Variants in SNAP91 observed in about 807,000 individuals in gnomAD.
SNAP91 encodes synaptosome associated protein 91.
A neutral mutation model predicts 100.3 loss-of-function variants in SNAP91; 27 were observed. That is an observed-to-expected ratio of 0.27 (90% CI 0.20 to 0.37). The LOEUF is 0.37. Ranked by LOEUF, SNAP91 falls within the 10% of genes least tolerant of loss-of-function variation. The pLI, the probability that SNAP91 is intolerant of heterozygous loss-of-function variation, is 1.00. For synonymous variants in SNAP91, 404 were observed against 398.6 expected (o/e 1.01, Z -0.16); for missense variants, 986 against 1,123.7 (o/e 0.88, Z 1.75).
At chr6:83,666,253 T>A (rs1000263895) in intron 2 of SNAP91, among the ~76,000 whole-genome samples, 2 of 152,066 alleles carry the variant, frequency 1.3e-5, no homozygotes, top group Non-Finnish European at 2.9e-5. Context: ...TTTAAAAAAA[T>A]TATCTACTGG....
intron 2 of SNAP91, among the ~76,000 whole-genome samples, chr6:83,674,405 G>C (rs1457935108): frequency 2.6e-5 from 4 of 152,120 alleles, no homozygotes; most frequent in East Asian, 3.9e-4. Context: ...CTGCACTCCA[G>C]CCCGGGCGAC....
chr6:83,558,238 G>T (rs778704550), intron 28 of SNAP91, among the ~76,000 whole-genome samples: 27 of 151,976 alleles, frequency 1.8e-4, no homozygotes, highest in Non-Finnish European at 3.2e-4. Context: ...CATAATAACA[G>T]AAATATTTCT....
intron 2 of SNAP91, among the ~76,000 whole-genome samples, chr6:83,666,853 C>T (rs1418600708): frequency 6.6e-6 from 1 of 151,980 alleles, no homozygotes; most frequent in Non-Finnish European, 1.5e-5. Context: ...AAATGCAGTC[C>T]CATGTGGCCT....
intron 7 of SNAP91, 132 bp from the exon 8 acceptor site, chr6:83,641,334 A>C: frequency 4.0e-6 from 2 of 497,498 alleles, no homozygotes; most frequent in Non-Finnish European, 7.0e-6. Flanking sequence ...AACTTATATG[A>C]GGTATTAAGG....
At chr6:83,666,645 G>A (rs899919099) in intron 2 of SNAP91, among the ~76,000 whole-genome samples, 1 of 152,036 alleles carries the variant, frequency 6.6e-6, no homozygotes, top group Non-Finnish European at 1.5e-5. Context: ...TTCTACCACT[G>A]AAAAATATCT....
chr6:83,677,806 T>A (rs1163988210), intron 2 of SNAP91, among the ~76,000 whole-genome samples: 1 of 152,230 alleles, frequency 6.6e-6, no homozygotes, highest in East Asian at 1.9e-4. Flanking sequence ...CTCTGTGCTT[T>A]AAGAATCAGA....
At chr6:83,704,048 C>T (rs751111230) in intron 2 of SNAP91, among the ~76,000 whole-genome samples, 3 of 152,176 alleles carry the variant, frequency 2.0e-5, no homozygotes, top group Non-Finnish European at 4.4e-5. Flanking sequence ...TGGGTAGGTA[C>T]TGGGTGCCTA....
intron 8 of SNAP91, among the ~76,000 whole-genome samples, chr6:83,638,490 G>T (rs2097548744): frequency 6.6e-6 from 1 of 151,848 alleles, no homozygotes; most frequent in African/African-American, 2.4e-5. Flanking sequence ...TAAAGCAACT[G>T]CATTGTTTAT....
intron 20 of SNAP91, 61 bp from the exon 21 acceptor site, chr6:83,592,599 C>A (rs961764773): frequency 2.9e-4 from 397 of 1,353,886 alleles, no homozygotes; most frequent in Non-Finnish European, 6.4e-5. Flanking sequence ...AAACCATGAG[C>A]CTTGACAAAT....
At chr6:83,643,986 G>T (rs969714141) in intron 7 of SNAP91, among the ~76,000 whole-genome samples, 1 of 152,146 alleles carries the variant, frequency 6.6e-6, no homozygotes, top group African/African-American at 2.4e-5. Context: ...TTCTTGTTAA[G>T]AAATTTGAAA....
intron 22 of SNAP91, among the ~76,000 whole-genome samples, chr6:83,582,861 T>G (rs1249945252): frequency 3.9e-5 from 6 of 152,176 alleles, no homozygotes. Context: ...CCCGCAACCC[T>G]GCTCTCTGGA....
intron 2 of SNAP91, among the ~76,000 whole-genome samples, chr6:83,697,369 G>A (rs1307033121): frequency 9.7e-6 from 1 of 103,424 alleles, no homozygotes; most frequent in Non-Finnish European, 2.2e-5. Flanking sequence ...CACACACAAT[G>A]CCGGCAAAGG....
intron 8 of SNAP91, among the ~76,000 whole-genome samples, chr6:83,631,011 T>A (rs146011260): frequency 1.3e-5 from 2 of 152,166 alleles, no homozygotes; most frequent in African/African-American, 2.4e-5. Flanking sequence ...CTGCCTTTAC[T>A]GTGTCCCAGA....
At chr6:83,605,520 TCTC>T (rs2095555353) in intron 14 of SNAP91, among the ~76,000 whole-genome samples, 162 bp downstream of exon 14, 1 of 152,234 alleles carries the variant, frequency 6.6e-6, no homozygotes, top group Non-Finnish European at 1.5e-5. Context: ...TGTCTCTCTC[TCTC>T]AATATATATT....
intron 7 of SNAP91, among the ~76,000 whole-genome samples, chr6:83,650,308 A>G (rs2098141708): frequency 6.6e-6 from 1 of 152,224 alleles, no homozygotes; most frequent in Admixed American, 6.5e-5. Context: ...TTGTTTTATG[A>G]ATATTGAAGC....
intron 2 of SNAP91, among the ~76,000 whole-genome samples, chr6:83,707,321 GATT>G (rs947815649): frequency 1.3e-5 from 2 of 151,510 alleles, no homozygotes; most frequent in Non-Finnish European, 2.9e-5. Flanking sequence ...CACTTAAAAA[GATT>G]ATACTACCTT....
intron 2 of SNAP91, among the ~76,000 whole-genome samples, chr6:83,694,176 T>C (rs1038532896): frequency 6.6e-6 from 1 of 152,236 alleles, no homozygotes; most frequent in African/African-American, 2.4e-5. Flanking sequence ...CTTCTGCTCC[T>C]GGACTCACAA....
In SNAP91 at chr6:83,579,045, T is replaced by C. The variant is rs111433792; in HGVS notation, c.2299+1405A>G. Among the ~76,000 whole-genome samples, 254 of 152,350 alleles carry C rather than the reference T, an allele frequency of 1.7e-3. 1 individual carries two copies. Among genetic ancestry groups the C allele is most frequent in the African/African-American group, 5.9e-3 (245 of 41,588 alleles). On this transcript the variant is annotated intron_variant, in intron 24 of 29. Transcript: ENST00000369694. The stretch of plus-strand genomic sequence containing the variant: ...ATCCTTGTCAAAAATCATTTGACTA[T>C]ATACGTGGGTTTATTTCTGGGATCT...
At chr6:83,619,818 C>T (rs950891115) in intron 9 of SNAP91, among the ~76,000 whole-genome samples, 1 of 151,894 alleles carries the variant, frequency 6.6e-6, no homozygotes, top group Non-Finnish European at 1.5e-5. Flanking sequence ...TGATTGTGAG[C>T]CCAGGCTCCA....
Sources: allele counts gnomAD v4.1 joint callset (sites outside exome capture counted in the v4.1 genomes callset), GRCh38; gene constraint gnomAD v4.1.1; transcripts MANE v1.5; gene names NCBI Gene and HGNC (gene_info 2026-07-23, HGNC 2026-07-21).